Variants in AP3M1 observed in about 807,000 individuals in gnomAD.
AP3M1 encodes adaptor related protein complex 3 subunit mu 1.
AP3M1 carries 29 observed loss-of-function variants against 42.6 expected under a neutral mutation model. The observed-to-expected ratio is 0.68, with a 90% CI of 0.51 to 0.93. AP3M1 has a LOEUF of 0.93. Among genes scored for constraint, AP3M1 ranks in the 40% least tolerant of loss-of-function variants. AP3M1 has a pLI of 0.00. For missense variants in AP3M1, 416 were observed against 510.2 expected (o/e 0.82, Z 1.78); for synonymous variants, 178 against 175.3 (o/e 1.02, Z -0.12).
intron 1 of AP3M1, among the ~76,000 whole-genome samples, chr10:74,149,057 G>GT (rs900890318): frequency 1.4e-4 from 21 of 151,566 alleles, no homozygotes; most frequent in African/African-American, 4.1e-4. Context: ...ATTTTTAGTA[G>GT]TGACGGGGTT....
At chr10:74,126,970 CAAAAAAAAAAAA>C (rs58110411) in intron 6 of AP3M1, among the ~76,000 whole-genome samples, 23 of 32,356 alleles carry the variant, frequency 7.1e-4, no homozygotes, top group African/African-American at 2.4e-3. Flanking sequence ...GACGCCATCT[CAAAAAAAAAAAA>C]AAAAAAAAAA....
intron 4 of AP3M1, 131 bp from the exon 5 acceptor site, chr10:74,130,123 T>C (rs958633038): frequency 1.5e-6 from 1 of 678,440 alleles, no homozygotes; most frequent in Admixed American, 2.5e-5. Flanking sequence ...AAGGTTGGAG[T>C]GCAGTTGTAT....
At chr10:74,143,860 G>A (rs2131996840) in intron 1 of AP3M1, among the ~76,000 whole-genome samples, 1 of 152,328 alleles carries the variant, frequency 6.6e-6, no homozygotes, top group Admixed American at 6.5e-5. Context: ...TGATGGAAAT[G>A]TCCTTTATCT....
intron 1 of AP3M1, among the ~76,000 whole-genome samples, chr10:74,143,048 C>T (rs1266370404): frequency 6.6e-6 from 1 of 152,120 alleles, no homozygotes; most frequent in Non-Finnish European, 1.5e-5. Context: ...TCTTTTGGCC[C>T]CATTCAATGT....
intron 1 of AP3M1, among the ~76,000 whole-genome samples, chr10:74,149,417 G>C (rs940264816): frequency 2.0e-5 from 3 of 151,090 alleles, no homozygotes; most frequent in Non-Finnish European, 4.4e-5. Context: ...AGCCTACCAA[G>C]TAGCTGGGAC....
At position 74,123,660 on chromosome 10, in the gene AP3M1, C is replaced by A; in HGVS notation, c.*150G>T. On this transcript the variant is annotated 3_prime_UTR_variant, in exon 9 of 9. Transcript: ENST00000355264. ...AGCTTAAAGCTCCTTAAGAATCCTA[C>A]ATTGATAACTAAGTAACTTTGTTAG... The A allele has an allele frequency of 1.5e-6, 1 of 651,606 alleles. No individual in the cohort carries two copies. The highest frequency in any genetic ancestry group is 2.7e-6 in the Non-Finnish European group (1 of 365,962). The allele number at this position is 651,606 out of a possible 1,614,324, so 40.4% of individuals were successfully genotyped here. A position where few individuals can be genotyped will look rare whatever the true frequency, so the allele number is the denominator to read the frequency against.
intron 8 of AP3M1, among the ~76,000 whole-genome samples, 193 bp downstream of exon 8, chr10:74,124,187 A>G (rs1383217189): frequency 2.0e-5 from 3 of 152,200 alleles, no homozygotes; most frequent in Non-Finnish European, 4.4e-5. Context: ...GGTGAGGGGA[A>G]GCTGTTTGAA....
intron 6 of AP3M1, among the ~76,000 whole-genome samples, chr10:74,127,573 C>T (rs1205815766): frequency 6.6e-6 from 1 of 151,748 alleles, no homozygotes; most frequent in Non-Finnish European, 1.5e-5. Context: ...GCAGGAGAAT[C>T]GCTTGAACCC....
rs1446227899 is a variant in AP3M1 at position 74,123,850 on chromosome 10, T to C, written c.1217A>G (p.Lys406Arg). 2.5e-6 allele frequency: 4 copies of C among 1,614,094 alleles called. No homozygotes were observed. The highest frequency in any genetic ancestry group is 3.4e-6 in the Non-Finnish European group (4 of 1,180,028). The change falls in exon 9 of 9, where the codon AAA becomes AGA. Residue 406 changes from lysine (K) to arginine (R), a missense_variant. Transcript: ENST00000355264. ...GEKYKPFKGV[K>R]YVTKAGKFQV... ...GAACTTTCCAGCTTTCGTGACGTAT[T>C]TGACTCCTTTAAATGGCTTATATTT...
At chr10:74,143,088 C>T (rs1427331472) in intron 1 of AP3M1, among the ~76,000 whole-genome samples, 4 of 152,180 alleles carry the variant, frequency 2.6e-5, no homozygotes, top group South Asian at 4.1e-4. Context: ...CAGTGGCTCA[C>T]GCCTGTAATC....
In AP3M1 at chr10:74,138,040, T is replaced by A. The variant is rs1024848288; in HGVS notation, c.273+67A>T. Reference sequence around the variant, plus strand: ...CATCAAAACCTGGGTAATTAAATAATATAATCATGTCTCACCTTCAGCTAA... The same window carrying A: ...CATCAAAACCTGGGTAATTAAATAAAATAATCATGTCTCACCTTCAGCTAA... On this transcript the variant is annotated intron_variant, in intron 2 of 8. Coordinates refer to ENST00000355264, the MANE Select transcript of AP3M1 (RefSeq NM_012095.6). 3.4e-6 allele frequency: 5 copies of A among 1,481,984 alleles called. No homozygotes were observed. The African/African-American group carries it at 7.1e-5, about 21-fold the overall frequency. 91.8% of individuals were successfully genotyped at this position (1,481,984 alleles called of 1,614,324 possible).
rs200560159 is a variant in AP3M1, at chr10:74,144,665, A to AT, written c.-4+6089dup. Among the ~76,000 whole-genome samples the AT allele has an allele frequency of 4.9e-3, 652 of 134,060 alleles. 3 individuals carry two copies. The highest frequency in any genetic ancestry group is 0.013 in the African/African-American group (461 of 36,594). 87.9% of individuals were successfully genotyped at this position (134,060 alleles called of 152,430 possible). A position where few individuals can be genotyped will look rare whatever the true frequency, so the allele number is the denominator to read the frequency against. On this transcript the variant is annotated intron_variant, in intron 1 of 8. Coordinates refer to ENST00000355264, the MANE Select transcript of AP3M1 (RefSeq NM_012095.6). ...CATGAATGTGCTGCTTTAGCTTATG[A>AT]TTTTTTTTTTTTTTTGAGACGGAGT...
intron 5 of AP3M1, among the ~76,000 whole-genome samples, 179 bp from the exon 6 acceptor site, chr10:74,129,420 A>G (rs1418424321): frequency 6.6e-6 from 1 of 152,200 alleles, no homozygotes. Context: ...TATGTACATT[A>G]TTTTATTTGA....
In AP3M1 at chr10:74,123,874, T is replaced by C. The variant is rs752877217; in HGVS notation, c.1193A>G (p.Lys398Arg). The change falls in exon 9 of 9, where the codon AAA becomes AGA. Residue 398 changes from lysine (K) to arginine (R), a missense_variant. Lys to Arg is a conservative substitution (Grantham distance 26). Transcript: ENST00000355264. ...TTTGACTCCTTTAAATGGCTTATAT[T>C]TCTCCCCATACATGTCCAAACGGTT... ...KVNRLDMYGEKYKPFKGVKYV... is the reference protein window; with the variant it reads ...KVNRLDMYGERYKPFKGVKYV... 1 of 1,614,172 alleles carries C rather than the reference T, an allele frequency of 6.2e-7. No homozygotes were observed. Among genetic ancestry groups the C allele is most frequent in the African/African-American group, 1.3e-5 (1 of 75,054 alleles).
chr10:74,142,203 T>A (rs971763945), intron 1 of AP3M1, among the ~76,000 whole-genome samples: 2 of 152,202 alleles, frequency 1.3e-5, no homozygotes, highest in Non-Finnish European at 2.9e-5. Flanking sequence ...CTTGTTCCTA[T>A]CTTTTACGTG....
At position 74,129,254 on chromosome 10, in the gene AP3M1, C is replaced by G; in HGVS notation, c.670-13G>C. The G allele has an allele frequency of 6.2e-7, 1 of 1,613,300 alleles. No homozygotes were observed. Among genetic ancestry groups the G allele is most frequent in the Non-Finnish European group, 8.5e-7 (1 of 1,179,780 alleles). Reference sequence around the variant, plus strand: ...GAAGCCTAGGGTTCTGCCAGAAAAACAGAAGACAGTCGTTCATAGACTATA... The same window carrying G: ...GAAGCCTAGGGTTCTGCCAGAAAAAGAGAAGACAGTCGTTCATAGACTATA... On this transcript the variant is annotated splice_polypyrimidine_tract_variant and intron_variant, in intron 5 of 8. Coordinates refer to ENST00000355264, the MANE Select transcript of AP3M1 (RefSeq NM_012095.6).
chr10:74,148,378 C>CT (rs1225398718), intron 1 of AP3M1, among the ~76,000 whole-genome samples: 5 of 152,142 alleles, frequency 3.3e-5, no homozygotes, highest in African/African-American at 9.7e-5. Context: ...GTATACTTGA[C>CT]TGCAGGCAGA....
intron 1 of AP3M1, among the ~76,000 whole-genome samples, chr10:74,143,726 G>A (rs1591764643): frequency 6.6e-6 from 1 of 152,080 alleles, no homozygotes; most frequent in South Asian, 2.1e-4. Flanking sequence ...CTAAGATCAC[G>A]CAGTAAGCTA....
chr10:74,147,116 C>G (rs1841354330), intron 1 of AP3M1, among the ~76,000 whole-genome samples: 1 of 152,070 alleles, frequency 6.6e-6, no homozygotes, highest in African/African-American at 2.4e-5. Flanking sequence ...AATCCCATCT[C>G]CACTAAAAAT....
Sources: gnomAD v4.1 joint callset for allele counts (sites outside exome capture counted in the v4.1 genomes callset) on GRCh38, gnomAD v4.1.1 for gene constraint, MANE v1.5 for transcripts, NCBI Gene and HGNC (gene_info 2026-07-23, HGNC 2026-07-21) for gene names.